OSBPL10: variants seen among roughly 807,000 people sequenced by gnomAD.
OSBPL10 encodes the protein oxysterol-binding protein-related protein 10.
In OSBPL10, 49 loss-of-function variants were observed where a neutral mutation model predicts 81.7. That is an observed-to-expected ratio of 0.60 (90% CI 0.48 to 0.76). The LOEUF (loss-of-function observed/expected upper bound fraction) is 0.76. OSBPL10 is among the 30% of genes least tolerant of loss of function. OSBPL10 has a pLI of 0.00. For synonymous variants in OSBPL10, 419 were observed against 383.6 expected, an observed-to-expected ratio of 1.09 and a Z score of -1.08; for missense variants, 923 against 987.8, an observed-to-expected ratio of 0.93 and a Z score of 0.88.
At chr3:31,760,443 T>C (rs537999792) in intron 4 of OSBPL10, among the ~76,000 whole-genome samples, 1 of 152,352 alleles carries the variant, frequency 6.6e-6, no homozygotes, top group Admixed American at 6.5e-5. Context: ...GATAATAATG[T>C]CTGCATATCC....
intron 2 of OSBPL10, 120 bp downstream of exon 2, chr3:31,879,535 G>A: frequency 9.7e-7 from 1 of 1,032,846 alleles, no homozygotes; most frequent in Non-Finnish European, 1.4e-6. Context: ...TCACCACAGA[G>A]TCCTCCAAAC....
intron 4 of OSBPL10, among the ~76,000 whole-genome samples, chr3:31,797,285 G>T (rs1009745842): frequency 3.9e-5 from 6 of 152,082 alleles, no homozygotes; most frequent in Admixed American, 3.9e-4. Context: ...GAGCCACTGC[G>T]CCTGGCCACA....
intron 1 of OSBPL10, among the ~76,000 whole-genome samples, chr3:32,059,481 C>T (rs1239256929): frequency 6.6e-6 from 1 of 151,796 alleles, no homozygotes; most frequent in Admixed American, 6.6e-5. Context: ...ATCCCAGCTA[C>T]TCCGGAGGCT....
At chr3:32,037,441 G>A (rs1275971684) in intron 2 of OSBPL10, 1 of 159,034 alleles carries the variant, frequency 6.3e-6, no homozygotes, top group Non-Finnish European at 1.4e-5. Flanking sequence ...TTTGAGGCCA[G>A]GAGTACAAGA....
intron 2 of OSBPL10, among the ~76,000 whole-genome samples, chr3:32,025,006 T>C (rs1699391341): frequency 6.6e-6 from 1 of 152,212 alleles, no homozygotes; most frequent in Non-Finnish European, 1.5e-5. Context: ...GGCCTCATTA[T>C]ACTGGCTAGA....
chr3:31,945,887 T>TA (rs905855715), intron 1 of OSBPL10, among the ~76,000 whole-genome samples: 9 of 152,160 alleles, frequency 5.9e-5, no homozygotes, highest in South Asian at 2.1e-4. Context: ...CTATTATGAC[T>TA]AAAAAAATCC....
At chr3:31,668,070 T>C (rs1189924196) in intron 10 of OSBPL10, among the ~76,000 whole-genome samples, 1 of 152,220 alleles carries the variant, frequency 6.6e-6, no homozygotes, top group Non-Finnish European at 1.5e-5. Flanking sequence ...AATAAACCAT[T>C]TTATGTTGTT....
intron 1 of OSBPL10, among the ~76,000 whole-genome samples, chr3:31,887,990 T>A (rs1695785047): frequency 6.6e-6 from 1 of 151,362 alleles, no homozygotes; most frequent in Non-Finnish European, 1.5e-5. Flanking sequence ...TGTCAGAGGG[T>A]CCTCAGGCTC....
At chr3:31,874,711 C>T (rs1701406703) in intron 3 of OSBPL10, among the ~76,000 whole-genome samples, 1 of 151,970 alleles carries the variant, frequency 6.6e-6, no homozygotes, top group South Asian at 2.1e-4. Flanking sequence ...TTAGTAACGC[C>T]CGTTAATGAG....
intron 4 of OSBPL10, among the ~76,000 whole-genome samples, chr3:31,800,271 C>T (rs1025084989): frequency 6.6e-6 from 1 of 152,156 alleles, no homozygotes; most frequent in African/African-American, 2.4e-5. Flanking sequence ...TATTTCAAGT[C>T]AGTAAATGAG....
chr3:31,848,626 C>A (rs775024523), intron 3 of OSBPL10, among the ~76,000 whole-genome samples: 7 of 152,240 alleles, frequency 4.6e-5, no homozygotes, highest in Non-Finnish European at 1.0e-4. Flanking sequence ...TAAATGGGAG[C>A]AATGACTGCC....
At chr3:31,965,457 AATTT>A (rs1698305652) in intron 1 of OSBPL10, among the ~76,000 whole-genome samples, 1 of 70,074 alleles carries the variant, frequency 1.4e-5, no homozygotes, top group African/African-American at 1.2e-4. Flanking sequence ...TATAATATAT[AATTT>A]ATATAATATA....
intron 3 of OSBPL10, among the ~76,000 whole-genome samples, chr3:31,841,219 T>G (rs1024285956): frequency 1.1e-4 from 17 of 152,260 alleles, no homozygotes; most frequent in Non-Finnish European, 5.9e-5. Context: ...GGCTTATTTT[T>G]AAAACACAAA....
At chr3:31,867,838 G>A (rs564144081) in intron 3 of OSBPL10, among the ~76,000 whole-genome samples, 1 of 152,260 alleles carries the variant, frequency 6.6e-6, no homozygotes, top group East Asian at 1.9e-4. Context: ...AGAAGGGCAA[G>A]TAGCTGACTG....
chr3:31,893,825 G>C (rs1258846712), intron 1 of OSBPL10, among the ~76,000 whole-genome samples: 7 of 152,188 alleles, frequency 4.6e-5, no homozygotes, highest in African/African-American at 1.7e-4. Flanking sequence ...AAAGATAAGT[G>C]GTTGTCTGGG....
At chr3:31,719,538 G>A (rs543837726) in intron 6 of OSBPL10, among the ~76,000 whole-genome samples, 1 of 152,174 alleles carries the variant, frequency 6.6e-6, no homozygotes, top group Middle Eastern at 3.4e-3. Context: ...TAAAAATAAA[G>A]TGGAAATAAA....
chr3:32,040,539 A>C (rs1304047075), intron 2 of OSBPL10, among the ~76,000 whole-genome samples: 1 of 151,688 alleles, frequency 6.6e-6, no homozygotes, highest in African/African-American at 2.4e-5. Context: ...GCATAGGAGT[A>C]AAGTCCAGTA....
chr3:31,667,697 G>A (rs1454244699), intron 10 of OSBPL10, among the ~76,000 whole-genome samples: 1 of 152,228 alleles, frequency 6.6e-6, no homozygotes, highest in Admixed American at 6.5e-5. Context: ...CAGGCCATAT[G>A]GTCTTGGTTG....
intron 3 of OSBPL10, among the ~76,000 whole-genome samples, chr3:31,859,437 A>G (rs1701008922): frequency 6.6e-6 from 1 of 152,178 alleles, no homozygotes; most frequent in Non-Finnish European, 1.5e-5. Context: ...TTTATAATAA[A>G]CTGGTAAACA....
Sources: allele counts gnomAD v4.1 joint callset (sites outside exome capture counted in the v4.1 genomes callset), GRCh38; gene constraint gnomAD v4.1.1; transcripts MANE v1.5; gene names NCBI Gene and HGNC (gene_info 2026-07-23, HGNC 2026-07-21).